SNAP91: variants seen among roughly 807,000 people sequenced by gnomAD.
SNAP91 encodes synaptosome associated protein 91, also known as clathrin coat assembly protein AP180.
A neutral mutation model predicts 100.3 loss-of-function variants in SNAP91; 27 were observed. That is an observed-to-expected ratio of 0.27 (90% confidence interval 0.20 to 0.37). SNAP91 has a LOEUF of 0.37. Among genes scored for constraint, SNAP91 ranks in the 10% least tolerant of loss-of-function variants. SNAP91 has a pLI of 1.00. For missense variants in SNAP91, 986 were observed against 1,123.7 expected (o/e 0.88, Z 1.75); for synonymous variants, 404 against 398.6 (o/e 1.01, Z -0.16).
At chr6:83,679,337 GA>G (rs146421402) in intron 2 of SNAP91, among the ~76,000 whole-genome samples, 1 of 151,958 alleles carries the variant, frequency 6.6e-6, no homozygotes, top group Admixed American at 6.6e-5. Flanking sequence ...ATTCCTAGGG[GA>G]AAAAAAGAAA....
rs1562290565 is a variant in SNAP91, at chr6:83,601,416, AGAG to A, written c.1176_1178del (p.Ser393del). On this transcript the variant is annotated inframe_deletion, in exon 16 of 30. Coordinates refer to ENST00000369694, the MANE Select transcript of SNAP91 (RefSeq NM_001242792.2). Reference sequence around the variant, plus strand: ...CTGAAATCTGTGCTTCAGAGGGAACAGAGGAAAGTGCAGCCAAAGAATCTATAT... The same window carrying A: ...CTGAAATCTGTGCTTCAGAGGGAACAGAAAGTGCAGCCAAAGAATCTATAT... 1 of 1,613,648 alleles carries A rather than the reference AGAG, an allele frequency of 6.2e-7. No individual in the cohort carries two copies. Among genetic ancestry groups the A allele is most frequent in the Admixed American group, 1.7e-5 (1 of 59,866 alleles).
chr6:83,657,930 CT>C (rs536763578), intron 6 of SNAP91, among the ~76,000 whole-genome samples: 1,558 of 106,116 alleles, frequency 0.015, 9 homozygotes, highest in African/African-American at 0.027. Context: ...CCACACCTTG[CT>C]TTTTTTTTTT....
At chr6:83,595,692 G>A (rs1228820844) in intron 16 of SNAP91, among the ~76,000 whole-genome samples, 1 of 152,040 alleles carries the variant, frequency 6.6e-6, no homozygotes, top group Non-Finnish European at 1.5e-5. Flanking sequence ...CATGTTTCCT[G>A]GAACACTGTT....
rs1278349573 is a variant in SNAP91, at chr6:83,653,631, C to G, written c.658+3123G>C. ...TGTCGGGTTCTGATGCTTGCTCTGT[C>G]TTTTTGAATGTTTTTCTGTCATTTA... On this transcript the variant is annotated intron_variant, in intron 7 of 29. Coordinates refer to ENST00000369694, the MANE Select transcript of SNAP91 (RefSeq NM_001242792.2). Among the ~76,000 whole-genome samples the G allele has an allele frequency of 4.6e-5, 7 of 152,164 alleles. No homozygotes were observed. The South Asian group carries it at 8.3e-4, about 18-fold the overall frequency.
rs772049208 is a variant in SNAP91 at position 83,610,720 on chromosome 6, TATATATATATATATATATATATATATAA to T, written c.885-71_885-44del. On this transcript the variant is annotated intron_variant, in intron 11 of 29. Coordinates refer to ENST00000369694, the MANE Select transcript of SNAP91 (RefSeq NM_001242792.2). ...AAAAAATTAAAACTGAATATATATA[TATATATATATATATATATATATATATAA>T]ATATATATGTGAATATATTTGTAGA... The T allele has an allele frequency of 3.0e-3, 512 of 171,068 alleles. 41 individuals are homozygous for T. In the South Asian group the frequency reaches 0.069, roughly 23 times the overall value. The allele number at this position is 171,068 out of a possible 1,614,324, so 10.6% of individuals were successfully genotyped here.
intron 2 of SNAP91, chr6:83,690,524 G>T: frequency 2.8e-6 from 2 of 710,618 alleles, no homozygotes; most frequent in Non-Finnish European, 4.1e-6. Context: ...CAAGCGTTTT[G>T]TTTGGTTGGT....
chr6:83,708,311 G>C (rs1311238320), intron 1 of SNAP91: 3 of 186,932 alleles, frequency 1.6e-5, no homozygotes, highest in Non-Finnish European at 3.2e-5. Flanking sequence ...TAGCCACAAC[G>C]TGCGTTGGGG....
Position 83,601,429 on chromosome 6 carries a change from G to A in SNAP91, c.1166C>T (p.Ala389Val), listed in dbSNP as rs574062507. ...TTCAGAGGGAACAGAGGAAAGTGCA[G>A]CCAAAGAATCTATATTTCACCAGAG... is the stretch of plus-strand genomic sequence containing the variant. ...WGDLLGEDSL[A>V]ALSSVPSEAQ... The change falls in exon 16 of 30, where the codon GCT becomes GTT. Residue 389 changes from alanine to valine, a missense_variant. This residue lies in a region of SNAP91 where 575 missense variants were observed against 579.9 expected (regional missense o/e 0.99). Transcript: ENST00000369694. The A allele has an allele frequency of 6.2e-7, 1 of 1,613,602 alleles. No homozygotes were observed. Among genetic ancestry groups the A allele is most frequent in the Non-Finnish European group, 8.5e-7 (1 of 1,179,758 alleles).
chr6:83,564,559 C>T (rs1223134505), intron 26 of SNAP91, among the ~76,000 whole-genome samples: 14 of 151,868 alleles, frequency 9.2e-5, no homozygotes, highest in Non-Finnish European at 1.8e-4. Flanking sequence ...GAGATAGAGT[C>T]TCATTATGTT....
intron 2 of SNAP91, among the ~76,000 whole-genome samples, chr6:83,707,012 C>A (rs1471949350): frequency 6.6e-6 from 1 of 152,140 alleles, no homozygotes; most frequent in Admixed American, 6.5e-5. Context: ...TAGAATAAAG[C>A]CTTTTCCATC....
At chr6:83,563,610 A>G (rs1791889608) in intron 26 of SNAP91, among the ~76,000 whole-genome samples, 1 of 152,198 alleles carries the variant, frequency 6.6e-6, no homozygotes, top group Admixed American at 6.5e-5. Flanking sequence ...AAATCCCTAA[A>G]GAATCCATAT....
intron 9 of SNAP91, 101 bp from the exon 10 acceptor site, chr6:83,617,140 C>T (rs2096529962): frequency 8.1e-6 from 5 of 620,730 alleles, no homozygotes; most frequent in South Asian, 5.0e-5. Flanking sequence ...GTGGATGGAC[C>T]CCGATATATA....
intron 24 of SNAP91, among the ~76,000 whole-genome samples, chr6:83,576,407 C>T (rs1818852628): frequency 6.6e-6 from 1 of 152,166 alleles, no homozygotes. Flanking sequence ...AAAAGTGGAT[C>T]ACTGTGCCTA....
intron 1 of SNAP91, 100 bp from the exon 2 acceptor site, chr6:83,708,057 C>T: frequency 1.9e-6 from 2 of 1,041,136 alleles, no homozygotes; most frequent in Admixed American, 3.7e-5. Context: ...GCTCTCTCCT[C>T]CTCCATCCCC....
chr6:83,633,201 T>G (rs2097281553), intron 8 of SNAP91, among the ~76,000 whole-genome samples: 1 of 152,178 alleles, frequency 6.6e-6, no homozygotes, highest in Non-Finnish European at 1.5e-5. Context: ...AGGCTGGTAC[T>G]GGGGGGTTGT....
At chr6:83,661,875 T>A (rs117491925) in intron 4 of SNAP91, among the ~76,000 whole-genome samples, 3,063 of 152,324 alleles carry the variant, frequency 0.02, 53 homozygotes, top group Middle Eastern at 0.068. Flanking sequence ...TTTCAAATAA[T>A]GGCCAGTTTC....
At chr6:83,672,026 AATAAAAT>A (rs1275226882) in intron 2 of SNAP91, among the ~76,000 whole-genome samples, 2 of 152,132 alleles carry the variant, frequency 1.3e-5, no homozygotes, top group African/African-American at 4.8e-5. Flanking sequence ...CTGTCCATTT[AATAAAAT>A]ATAAATGTCT....
intron 10 of SNAP91, 86 bp from the exon 11 acceptor site, chr6:83,614,948 C>A: frequency 1.8e-6 from 2 of 1,097,684 alleles, no homozygotes; most frequent in Non-Finnish European, 1.3e-6. Flanking sequence ...AGGGAATAAG[C>A]AAAAGACAAG....
chr6:83,677,292 C>T (rs1021036204), intron 2 of SNAP91, among the ~76,000 whole-genome samples: 1 of 152,212 alleles, frequency 6.6e-6, no homozygotes, highest in African/African-American at 2.4e-5. Flanking sequence ...CCCCAAAATG[C>T]TCTCAATGTA....
Sources: allele counts gnomAD v4.1 joint callset (sites outside exome capture counted in the v4.1 genomes callset), GRCh38; gene constraint gnomAD v4.1.1; regional missense constraint gnomAD v4.1.1; transcripts MANE v1.5; gene names NCBI Gene and HGNC (gene_info 2026-07-23, HGNC 2026-07-21).